Variants in PHTF2 observed in about 807,000 individuals in gnomAD.
PHTF2 encodes protein PHTF2.
PHTF2 carries 60 observed loss-of-function variants against 101.2 expected under a neutral mutation model. The observed-to-expected ratio is 0.59, with a 90% CI of 0.48 to 0.73. The LOEUF is 0.73. Among genes scored for constraint, PHTF2 ranks in the 30% least tolerant of loss-of-function variants. PHTF2 has a pLI of 0.00. For synonymous variants in PHTF2, 311 were observed against 307.3 expected (o/e 1.01, Z -0.13); for missense variants, 747 against 908.7 (o/e 0.82, Z 2.29).
chr7:77,823,178 A>G (rs945368362), intron 1 of PHTF2, among the ~76,000 whole-genome samples: 1 of 151,352 alleles, frequency 6.6e-6, no homozygotes, highest in Admixed American at 6.6e-5. Context: ...TGCTGGGATT[A>G]CAGGCGTGAG....
At chr7:77,855,032 G>A (rs912255442) in intron 3 of PHTF2, among the ~76,000 whole-genome samples, 4 of 152,222 alleles carry the variant, frequency 2.6e-5, no homozygotes, top group Non-Finnish European at 5.9e-5. Context: ...TTAAGCAGAA[G>A]GAATCACTCT....
intron 9 of PHTF2, among the ~76,000 whole-genome samples, chr7:77,915,508 G>A (rs1022290568): frequency 6.6e-5 from 10 of 152,148 alleles, no homozygotes; most frequent in Non-Finnish European, 1.5e-4. Flanking sequence ...ACCATGCCCG[G>A]CTTGTTTTCT....
intron 3 of PHTF2, among the ~76,000 whole-genome samples, chr7:77,864,967 TCAGA>T (rs1797936269): frequency 6.6e-6 from 1 of 152,202 alleles, no homozygotes; most frequent in African/African-American, 2.4e-5. Context: ...TTTCCCATTG[TCAGA>T]CAGATTGTTC....
intron 16 of PHTF2, 30 bp from the exon 16 acceptor site, chr7:77,949,648 T>G (rs752955000): frequency 1.3e-5 from 18 of 1,341,604 alleles, no homozygotes; most frequent in Admixed American, 2.5e-5. Flanking sequence ...ATCACATTGC[T>G]GCTTTATGTT....
intron 3 of PHTF2, among the ~76,000 whole-genome samples, chr7:77,867,311 C>A (rs540054588): frequency 1.3e-5 from 2 of 152,214 alleles, no homozygotes; most frequent in African/African-American, 4.8e-5. Flanking sequence ...GGCAAGTGAA[C>A]GTAGGGTCGT....
intron 10 of PHTF2, among the ~76,000 whole-genome samples, chr7:77,922,204 T>G (rs1287074674): frequency 6.6e-6 from 1 of 151,794 alleles, no homozygotes; most frequent in Non-Finnish European, 1.5e-5. Context: ...TTATTTTTAT[T>G]TTTTAAGAGA....
intron 5 of PHTF2, among the ~76,000 whole-genome samples, chr7:77,895,391 A>G (rs894885958): frequency 6.6e-6 from 1 of 152,082 alleles, no homozygotes; most frequent in Non-Finnish European, 1.5e-5. Flanking sequence ...TCCATGAGAA[A>G]ATAGTATGGA....
rs369840951 is a variant in PHTF2 at position 77,908,881 on chromosome 7, C to T, written c.534C>T (p.Leu178=). 14 of 1,613,034 alleles carry T rather than the reference C, an allele frequency of 8.7e-6. No homozygotes were observed. The South Asian group carries it at 1.1e-4, about 13-fold the overall frequency. Residue 178 remains leucine (L), a synonymous_variant, in exon 8 of 20, where the codon CTC becomes CTT. Transcript: ENST00000416283. ...TTGGGCCGATATGGCTGATGCTGCTCCTGGGAACTGTGCATTGCCAGATTG... is the reference window on the plus strand; with the variant it reads ...TTGGGCCGATATGGCTGATGCTGCTTCTGGGAACTGTGCATTGCCAGATTG...
At chr7:77,900,371 C>T (rs1317917323) in intron 5 of PHTF2, among the ~76,000 whole-genome samples, 3 of 152,198 alleles carry the variant, frequency 2.0e-5, no homozygotes, top group African/African-American at 4.8e-5. Context: ...CTAGCCTCAA[C>T]GCTCTCCAAA....
intron 5 of PHTF2, among the ~76,000 whole-genome samples, chr7:77,895,440 A>G (rs1254418186): frequency 1.3e-5 from 2 of 152,150 alleles, no homozygotes; most frequent in African/African-American, 2.4e-5. Context: ...AAGCAAATAA[A>G]GAGCAGCAGA....
At chr7:77,915,540 G>A (rs999528458) in intron 9 of PHTF2, among the ~76,000 whole-genome samples, 47 of 151,854 alleles carry the variant, frequency 3.1e-4, no homozygotes, top group African/African-American at 1.1e-3. Flanking sequence ...TGCTCAATTT[G>A]GTAAAAAGCT....
intron 13 of PHTF2, among the ~76,000 whole-genome samples, chr7:77,939,730 C>T (rs1181735319): frequency 6.6e-6 from 1 of 151,972 alleles, no homozygotes; most frequent in Non-Finnish European, 1.5e-5. Context: ...TTTAATATTG[C>T]AGTATTTATG....
chr7:77,955,544 GAA>G (rs1254941324), exon 20 of PHTF2: 1 of 152,546 alleles, frequency 6.6e-6, no homozygotes, highest in African/African-American at 2.4e-5. Flanking sequence ...GTATTTATTT[GAA>G]ACACTGGGCT....
intron 12 of PHTF2, among the ~76,000 whole-genome samples, chr7:77,934,172 T>C (rs961957131): frequency 6.6e-6 from 1 of 152,256 alleles, no homozygotes; most frequent in Non-Finnish European, 1.5e-5. Context: ...TTCTGTCTGC[T>C]ATACAGATGG....
intron 11 of PHTF2, chr7:77,923,402 CT>C (rs1324213005): frequency 5.1e-6 from 5 of 981,216 alleles, no homozygotes; most frequent in Non-Finnish European, 6.1e-6. Flanking sequence ...ACCTTCTACT[CT>C]TTTTGAGCTA....
chr7:77,910,533 G>T (rs2150869078), intron 9 of PHTF2, 124 bp downstream of exon 8: 1 of 690,196 alleles, frequency 1.4e-6, no homozygotes, highest in Non-Finnish European at 2.4e-6. Context: ...ATTTTGTTTT[G>T]ATAAATTATA....
chr7:77,954,238 T>C (rs1193221334), intron 19 of PHTF2, among the ~76,000 whole-genome samples: 1 of 151,696 alleles, frequency 6.6e-6, no homozygotes, highest in Non-Finnish European at 1.5e-5. Context: ...GGTTCAAGGA[T>C]TTCTCCTGCC....
intron 1 of PHTF2, among the ~76,000 whole-genome samples, chr7:77,820,754 G>A (rs1228250372): frequency 6.6e-6 from 1 of 152,116 alleles, no homozygotes; most frequent in Non-Finnish European, 1.5e-5. Flanking sequence ...AATTTAATCC[G>A]TTTACATTCA....
In PHTF2 at chr7:77,869,803, C is replaced by T. The variant is rs369596056; in HGVS notation, c.147+14969C>T. ...ATTGTGGTTTTGATTTGTATTTCCC[C>T]GATGATTAGTGATGTTGAGTTTTTT... On this transcript the variant is annotated intron_variant, in intron 3 of 19. Transcript: ENST00000416283. Among the ~76,000 whole-genome samples, 10 of 152,034 alleles carry T rather than the reference C, an allele frequency of 6.6e-5. No individual in the cohort carries two copies. The East Asian group carries it at 9.6e-4, about 15-fold the overall frequency.
Sources: gnomAD v4.1 joint callset for allele counts (sites outside exome capture counted in the v4.1 genomes callset) on GRCh38, gnomAD v4.1.1 for gene constraint, MANE v1.5 for transcripts, NCBI Gene and HGNC (gene_info 2026-07-23, HGNC 2026-07-21) for gene names.